CNOT1: variants seen among roughly 807,000 people sequenced by gnomAD.
CNOT1 encodes the protein CCR4-NOT transcription complex subunit 1, also known as CCR4-associated factor 1.
CNOT1 carries 15 observed loss-of-function variants against 273.8 expected under a neutral mutation model. The observed-to-expected ratio is 0.05, with a 90% CI of 0.04 to 0.08. CNOT1 has a LOEUF of 0.08. Among genes scored for constraint, CNOT1 ranks in the 10% least tolerant of loss-of-function variants. CNOT1 has a pLI of 1.00. For synonymous variants in CNOT1, 1,022 were observed against 1,005.5 expected (o/e 1.02, Z -0.31); for missense variants, 1,644 against 2,912.2 (o/e 0.56, Z 10.02).
chr16:58,521,934 G>A (rs2039393754), intron 47 of CNOT1, among the ~76,000 whole-genome samples: 1 of 152,112 alleles, frequency 6.6e-6, no homozygotes, highest in African/African-American at 2.4e-5. Flanking sequence ...CTGGGAGACA[G>A]AGTGAGACCC....
Position 58,581,526 on chromosome 16 carries a change from C to G in CNOT1, c.1045-11G>C. On this transcript the variant is annotated splice_polypyrimidine_tract_variant and intron_variant, in intron 10 of 48. Transcript: ENST00000317147. ...ATTCAAACTTGGATTCTAAAAAAGA[C>G]CAAAGCAGTTTAAAATGTAATGAAT... 1 of 1,603,314 alleles carries G rather than the reference C, an allele frequency of 6.2e-7. No homozygotes were observed. Among genetic ancestry groups the G allele is most frequent in the African/African-American group, 1.3e-5 (1 of 74,620 alleles).
intron 43 of CNOT1, among the ~76,000 whole-genome samples, chr16:58,529,208 A>G (rs559946454): frequency 5.4e-4 from 82 of 152,348 alleles, no homozygotes; most frequent in Middle Eastern, 3.4e-3. Context: ...CAGTGGAAAT[A>G]GAACACCTTA....
rs972540073 is a variant in CNOT1, at chr16:58,599,445, C to G, written c.-108G>C. On this transcript the variant is annotated 5_prime_UTR_variant, in exon 2 of 49. Coordinates refer to ENST00000317147, the MANE Select transcript of CNOT1 (RefSeq NM_016284.5). ...TGCTTTCTTTGTAATTAGGCTATAT[C>G]TGGTATCTGTATAATATCTTCAGTT... is the stretch of plus-strand genomic sequence containing the variant. 36 of 1,346,278 alleles carry G rather than the reference C, an allele frequency of 2.7e-5. No individual in the cohort carries two copies. The highest frequency in any genetic ancestry group is 2.1e-4 in the East Asian group (9 of 42,132). 83.4% of individuals were successfully genotyped at this position (1,346,278 alleles called of 1,614,324 possible).
At chr16:58,540,047 A>G in intron 34 of CNOT1, 88 bp from the exon 35 acceptor site, 1 of 1,295,746 alleles carries the variant, frequency 7.7e-7, no homozygotes, top group Non-Finnish European at 1.1e-6. Flanking sequence ...GTCTACTAGT[A>G]TGTTTACTCC....
chr16:58,526,677 G>A (rs546684347), intron 44 of CNOT1, among the ~76,000 whole-genome samples: 1 of 151,960 alleles, frequency 6.6e-6, no homozygotes, highest in Admixed American at 6.6e-5. Context: ...TATAAAATTA[G>A]CTGGGTGTGG....
At position 58,543,910 on chromosome 16, in the gene CNOT1, G is replaced by A. The variant is rs1451389091; in HGVS notation, c.4138-7C>T. On this transcript the variant is annotated splice_region_variant and splice_polypyrimidine_tract_variant and intron_variant, in intron 30 of 48. Coordinates refer to ENST00000317147, the MANE Select transcript of CNOT1 (RefSeq NM_016284.5). The stretch of plus-strand genomic sequence containing the variant: ...GGGCCTGAAACAAGGGAATCTGGGG[G>A]GTTGGGGAGGACAAAGTCAACACCT... 1 of 1,590,402 alleles carries A rather than the reference G, an allele frequency of 6.3e-7. No homozygotes were observed. The highest frequency in any genetic ancestry group is 1.3e-5 in the African/African-American group (1 of 74,264).
intron 1 of CNOT1, among the ~76,000 whole-genome samples, chr16:58,611,760 G>T (rs1274820110): frequency 6.7e-6 from 1 of 150,070 alleles, no homozygotes; most frequent in African/African-American, 2.5e-5. Flanking sequence ...AGCAGAGCTT[G>T]CAGTGAGCCG....
chr16:58,545,589 C>T (rs1040135722), intron 29 of CNOT1, 98 bp from the exon 30 acceptor site: 13 of 1,534,934 alleles, frequency 8.5e-6, no homozygotes, highest in Middle Eastern at 4.3e-4. Context: ...TCTAATTAAA[C>T]GAATTAAATT....
intron 12 of CNOT1, among the ~76,000 whole-genome samples, chr16:58,580,088 T>C (rs1037601965): frequency 1.3e-5 from 2 of 151,972 alleles, no homozygotes; most frequent in Non-Finnish European, 2.9e-5. Flanking sequence ...TGAGCACTTG[T>C]AATCCTAGCT....
chr16:58,551,388 A>G lies in CNOT1; in HGVS notation c.3202-116T>C, dbSNP rs527703902. The G allele has an allele frequency of 1.2e-5, 15 of 1,251,226 alleles. 1 individual carries two copies. In the African/African-American group the frequency reaches 2.3e-4, roughly 19 times the overall value. The allele number at this position is 1,251,226 out of a possible 1,614,324, so 77.5% of individuals were successfully genotyped here. ...AATACACATGGTATGACTGTGTATTAGAAATGTAGGCAAGAATAGTGAACT... is the reference window on the plus strand; with the variant it reads ...AATACACATGGTATGACTGTGTATTGGAAATGTAGGCAAGAATAGTGAACT... On this transcript the variant is annotated intron_variant, in intron 23 of 48. Coordinates refer to ENST00000317147, the MANE Select transcript of CNOT1 (RefSeq NM_016284.5).
In CNOT1 at chr16:58,533,367, TG is replaced by T. The variant is rs1356523999; in HGVS notation, c.5895+779del. ...GAACCACTGACGTGGCCGGGCGCTG[TG>T]GCTCACGCCTATAATCCCAGCACTT... On this transcript the variant is annotated intron_variant, in intron 40 of 48. Coordinates refer to ENST00000317147, the MANE Select transcript of CNOT1 (RefSeq NM_016284.5). 1.1e-3 allele frequency among the ~76,000 whole-genome samples: 171 copies of T among 152,330 alleles called. 1 individual carries two copies. Among genetic ancestry groups the T allele is most frequent in the African/African-American group, 3.9e-3 (162 of 41,578 alleles).
At chr16:58,619,726 G>A (rs572297264) in intron 1 of CNOT1, among the ~76,000 whole-genome samples, 6 of 152,018 alleles carry the variant, frequency 3.9e-5, no homozygotes, top group Non-Finnish European at 7.4e-5. Flanking sequence ...GCGTAGCCAA[G>A]TTTTGCATTT....
At chr16:58,623,279 T>C (rs1039510189) in intron 1 of CNOT1, 4 of 152,252 alleles carry the variant, frequency 2.6e-5, no homozygotes, top group Non-Finnish European at 5.9e-5. Context: ...TTGTGAGATA[T>C]ACATTTGGTC....
chr16:58,584,683 A>G (rs1003401082), intron 8 of CNOT1, among the ~76,000 whole-genome samples: 2 of 151,356 alleles, frequency 1.3e-5, no homozygotes, highest in Admixed American at 6.6e-5. Flanking sequence ...AACAAAAATT[A>G]TATGCCAGGC....
chr16:58,599,806 C>A, intron 1 of CNOT1, among the ~76,000 whole-genome samples: 1 of 152,148 alleles, frequency 6.6e-6, no homozygotes, highest in Middle Eastern at 3.2e-3. Flanking sequence ...CGGCTCACAC[C>A]TGTAACCCCA....
At chr16:58,525,444 C>A (rs1443734837) in intron 45 of CNOT1, 85 bp from the exon 46 acceptor site, 7 of 1,187,124 alleles carry the variant, frequency 5.9e-6, no homozygotes, top group African/African-American at 1.5e-5. Flanking sequence ...CCTTCTTACA[C>A]CTTCATGGAA....
chr16:58,573,630 G>A (rs2405857), intron 16 of CNOT1, among the ~76,000 whole-genome samples: 34,944 of 151,200 alleles, frequency 0.23, 4,421 homozygotes, highest in African/African-American at 0.34. Context: ...ACAGGCGCCC[G>A]CCACCACGCC....
intron 34 of CNOT1, 75 bp from the exon 35 acceptor site, chr16:58,540,034 G>A: frequency 6.9e-7 from 1 of 1,452,504 alleles, no homozygotes; most frequent in Non-Finnish European, 9.3e-7. Context: ...GTATCAAATA[G>A]AGGTCTACTA....
At chr16:58,538,960 T>C (rs2151912368) in intron 35 of CNOT1, 46 bp from the exon 36 acceptor site, 11 of 1,594,384 alleles carry the variant, frequency 6.9e-6, no homozygotes, top group Non-Finnish European at 8.6e-6. Context: ...ATACAGTGCT[T>C]GGCCCAACTA....
Sources: gnomAD v4.1 joint callset for allele counts (sites outside exome capture counted in the v4.1 genomes callset) on GRCh38, gnomAD v4.1.1 for gene constraint, MANE v1.5 for transcripts, NCBI Gene and HGNC (gene_info 2026-07-23, HGNC 2026-07-21) for gene names.